MPP7: variants seen among roughly 807,000 people sequenced by gnomAD.
MPP7 encodes MAGUK p55 subfamily member 7.
Under a neutral mutation model 76.5 loss-of-function variants are expected in MPP7, and 60 were observed. The observed-to-expected ratio is 0.78, with a 90% CI of 0.64 to 0.97. MPP7 has a LOEUF of 0.97. Ranked by LOEUF, MPP7 falls within the 50% of genes least tolerant of loss-of-function variation. The probability of loss-of-function intolerance (pLI) is 0.00; values close to 1 mark genes in which losing one functional copy is unlikely to be tolerated. For synonymous variants in MPP7, 237 were observed against 244.5 expected (o/e 0.97, Z 0.29); for missense variants, 641 against 694.0 (o/e 0.92, Z 0.86).
intron 1 of MPP7, among the ~76,000 whole-genome samples, chr10:28,241,917 A>G (rs945689326): frequency 6.6e-6 from 1 of 152,216 alleles, no homozygotes; most frequent in Non-Finnish European, 1.5e-5. Flanking sequence ...GTGAAGGTCT[A>G]TGAGCTTACA....
At chr10:28,292,381 T>C (rs544220656) in intron 1 of MPP7, among the ~76,000 whole-genome samples, 8 of 151,036 alleles carry the variant, frequency 5.3e-5, no homozygotes, top group Non-Finnish European at 7.4e-5. Context: ...GAAGAAAAAA[T>C]GGCATTCACA....
At chr10:28,267,652 C>A (rs1258499714) in intron 1 of MPP7, among the ~76,000 whole-genome samples, 1 of 152,134 alleles carries the variant, frequency 6.6e-6, no homozygotes, top group African/African-American at 2.4e-5. Context: ...AAATCCAGAA[C>A]ACTTCTGGTC....
chr10:28,278,213 C>T lies in MPP7; in HGVS notation c.-132+24648G>A, dbSNP rs772646679. Among the ~76,000 whole-genome samples, 148 of 152,068 alleles carry T rather than the reference C, an allele frequency of 9.7e-4. 3 individuals are homozygous for T. The highest frequency in any genetic ancestry group is 3.4e-4 in the Non-Finnish European group (23 of 68,040). On this transcript the variant is annotated intron_variant, in intron 1 of 16. Transcript: ENST00000683449. ...CAAGTTCCCAAAGTGGCCCTAGCAACAGCACTCCTATGTATGTTAGTACAA... is the reference window on the plus strand; with the variant it reads ...CAAGTTCCCAAAGTGGCCCTAGCAATAGCACTCCTATGTATGTTAGTACAA...
intron 1 of MPP7, chr10:28,254,836 C>A: frequency 6.6e-6 from 1 of 152,194 alleles, no homozygotes; most frequent in Middle Eastern, 3.4e-3. Context: ...GACTTAATGA[C>A]GACCTCAGTG....
chr10:28,093,636 G>A (rs549729426), intron 11 of MPP7, among the ~76,000 whole-genome samples: 3 of 151,980 alleles, frequency 2.0e-5, no homozygotes, highest in East Asian at 1.9e-4. Flanking sequence ...TAGTAGAGAT[G>A]GGGTTTCTCC....
At chr10:28,172,211 A>C (rs1030627935) in intron 3 of MPP7, among the ~76,000 whole-genome samples, 1 of 152,224 alleles carries the variant, frequency 6.6e-6, no homozygotes, top group Admixed American at 6.5e-5. Context: ...ATTTTACTAA[A>C]ATGCCAGGTA....
At chr10:28,172,285 C>A (rs539523528) in intron 3 of MPP7, among the ~76,000 whole-genome samples, 9 of 152,174 alleles carry the variant, frequency 5.9e-5, no homozygotes, top group Non-Finnish European at 1.3e-4. Flanking sequence ...AAGTAAAATA[C>A]GTGATTTAGA....
At chr10:28,251,581 G>C (rs960281658) in intron 1 of MPP7, among the ~76,000 whole-genome samples, 6 of 152,158 alleles carry the variant, frequency 3.9e-5, no homozygotes, top group African/African-American at 1.2e-4. Context: ...GCAACAATGA[G>C]CCAATCAATC....
intron 1 of MPP7, among the ~76,000 whole-genome samples, chr10:28,267,426 C>T (rs12253385): frequency 0.023 from 3,482 of 152,256 alleles, 140 homozygotes; most frequent in African/African-American, 0.077. Flanking sequence ...AGACAACACA[C>T]TCAGGTAGTC....
Position 28,089,772 on chromosome 10 carries a change from T to G in MPP7, c.1022A>C (p.Lys341Thr). The change falls in exon 12 of 17, where the codon AAG becomes ACG. Residue 341 changes from lysine to threonine, a missense_variant. Lys to Thr is a moderately conservative substitution (Grantham distance 78). Coordinates refer to ENST00000683449, the MANE Select transcript of MPP7 (RefSeq NM_001318170.2). ...KKTNKSMYEC[K>T]KSDQYDTADV... ...AGCTGTGTCGTACTGATCACTCTTC[T>G]TGCATTCATACATGGATTTATTTGT... The G allele has an allele frequency of 6.2e-7, 1 of 1,608,000 alleles. No homozygotes were observed. The highest frequency in any genetic ancestry group is 8.5e-7 in the Non-Finnish European group (1 of 1,174,718).
At chr10:28,073,785 T>A (rs11006841) in intron 12 of MPP7, among the ~76,000 whole-genome samples, 16,066 of 148,778 alleles carry the variant, frequency 0.11, 1,549 homozygotes, top group East Asian at 0.5. Flanking sequence ...AAAAAAATAT[T>A]TTTTTTTTAC....
At chr10:28,095,637 A>G (rs183150380) in intron 11 of MPP7, among the ~76,000 whole-genome samples, 2 of 152,322 alleles carry the variant, frequency 1.3e-5, no homozygotes, top group Admixed American at 1.3e-4. Context: ...AGGAAGACCA[A>G]AAAATGTGAC....
At chr10:28,256,668 A>T (rs1047593022) in intron 1 of MPP7, among the ~76,000 whole-genome samples, 1 of 152,224 alleles carries the variant, frequency 6.6e-6, no homozygotes, top group East Asian at 1.9e-4. Context: ...ATGAGTATTT[A>T]TTCAAGTCTT....
At chr10:28,223,769 T>A (rs1354430122) in intron 2 of MPP7, among the ~76,000 whole-genome samples, 1 of 151,948 alleles carries the variant, frequency 6.6e-6, no homozygotes, top group East Asian at 1.9e-4. Flanking sequence ...GGAAAGTAAA[T>A]ATAAGGCTAT....
At chr10:28,238,192 T>C (rs1300985556) in intron 2 of MPP7, among the ~76,000 whole-genome samples, 3 of 152,048 alleles carry the variant, frequency 2.0e-5, no homozygotes, top group African/African-American at 7.2e-5. Context: ...GAGAAAAATA[T>C]GAATCAAGTG....
chr10:28,079,576 C>T (rs1013896904), intron 12 of MPP7, among the ~76,000 whole-genome samples: 2 of 152,122 alleles, frequency 1.3e-5, no homozygotes, highest in African/African-American at 2.4e-5. Context: ...TAGAAGCGCA[C>T]CCAAAACCAT....
intron 12 of MPP7, among the ~76,000 whole-genome samples, chr10:28,083,447 C>T (rs1349856130): frequency 6.6e-6 from 1 of 151,090 alleles, no homozygotes; most frequent in African/African-American, 2.4e-5. Flanking sequence ...ATTCTTGATT[C>T]TGGAAAGTTT....
At chr10:28,057,710 C>A (rs879329987) in intron 15 of MPP7, 1 of 1,274,320 alleles carries the variant, frequency 7.8e-7, no homozygotes, top group Non-Finnish European at 1.0e-6. Flanking sequence ...AGTCAGGAGG[C>A]AGCCTTCCTG....
intron 1 of MPP7, among the ~76,000 whole-genome samples, chr10:28,271,612 T>C (rs1840327662): frequency 6.6e-6 from 1 of 151,998 alleles, no homozygotes; most frequent in South Asian, 2.1e-4. Context: ...GTCTGGAGAG[T>C]ACCTATTTGA....
Sources: gnomAD v4.1 joint callset for allele counts (sites outside exome capture counted in the v4.1 genomes callset) on GRCh38, gnomAD v4.1.1 for gene constraint, MANE v1.5 for transcripts, NCBI Gene and HGNC (gene_info 2026-07-23, HGNC 2026-07-21) for gene names.